ITPRIPL1: variants seen among roughly 807,000 people sequenced by gnomAD.
ITPRIPL1 encodes the protein ITPRIP like 1.
ITPRIPL1 carries 28 observed loss-of-function variants against 40.0 expected under a neutral mutation model. That is an observed-to-expected ratio of 0.70 (90% CI 0.52 to 0.96). ITPRIPL1 has a LOEUF of 0.96. Ranked by LOEUF, ITPRIPL1 falls within the 40% of genes least tolerant of loss-of-function variation. The probability of loss-of-function intolerance (pLI) is 0.00; values close to 1 mark genes in which losing one functional copy is unlikely to be tolerated. For synonymous variants in ITPRIPL1, 251 were observed against 275.7 expected, an observed-to-expected ratio of 0.91 and a Z score of 0.89; for missense variants, 638 against 698.0, an observed-to-expected ratio of 0.91 and a Z score of 0.97.
At position 96,327,227 on chromosome 2, in the gene ITPRIPL1, A is replaced by C. The variant is rs1573048324; in HGVS notation, c.596A>C (p.Glu199Ala). 3 of 1,614,086 alleles carry C rather than the reference A, an allele frequency of 1.9e-6. No individual in the cohort carries two copies. The highest frequency in any genetic ancestry group is 2.5e-6 in the Non-Finnish European group (3 of 1,180,018). The stretch of plus-strand genomic sequence containing the variant: ...GAGAGTTTTGTGGATGATCTCATTG[A>C]GGCCTGTCGGGTGCTCAGCCGCCAA... ...FVESFVDDLI[E>A]ACRVLSRQEA... The change falls in exon 3 of 3, where the codon GAG (glutamate) becomes GCG (alanine). Residue 199 changes from glutamate (E) to alanine (A), a missense_variant. Coordinates refer to ENST00000439118, the MANE Select transcript of ITPRIPL1 (RefSeq NM_001008949.3).
intron 1 of ITPRIPL1, 61 bp from the exon 2 acceptor site, chr2:96,325,686 G>A (rs972719238): frequency 2.8e-6 from 2 of 720,300 alleles, no homozygotes; most frequent in Admixed American, 4.4e-5. Flanking sequence ...AGTTATGAAT[G>A]GGGGGAGGGT....
In ITPRIPL1 at chr2:96,327,908, T is replaced by C; in HGVS notation, c.1277T>C (p.Ile426Thr). 1 of 1,613,922 alleles carries C rather than the reference T, an allele frequency of 6.2e-7. No individual in the cohort carries two copies. Among genetic ancestry groups the C allele is most frequent in the Non-Finnish European group, 8.5e-7 (1 of 1,179,974 alleles). The change falls in exon 3 of 3, where the codon ATT (isoleucine) becomes ACT (threonine). Residue 426 changes from isoleucine to threonine, a missense_variant. Transcript: ENST00000439118. ...TGTCACCTCAAGTGCCTCCAGATCA[T>C]TTTAAGTCTCCGGCAGCATCAGAGC... is the stretch of plus-strand genomic sequence containing the variant. ...NTCHLKCLQI[I>T]LSLRQHQSLP...
chr2:96,325,407 C>G lies in ITPRIPL1; in HGVS notation c.-252C>G, dbSNP rs1407129187. On this transcript the variant is annotated 5_prime_UTR_variant, in exon 1 of 3. Coordinates refer to ENST00000439118, the MANE Select transcript of ITPRIPL1 (RefSeq NM_001008949.3). Reference sequence around the variant, plus strand: ...CACCGCGCTCAGCCAGACGTTCAGACGCTCGGACAAGCATGGTCTATAACC... The same window carrying G: ...CACCGCGCTCAGCCAGACGTTCAGAGGCTCGGACAAGCATGGTCTATAACC... The G allele has an allele frequency of 6.0e-6, 1 of 166,534 alleles. No individual in the cohort carries two copies. Among genetic ancestry groups the G allele is most frequent in the Non-Finnish European group, 1.3e-5 (1 of 76,962 alleles). 10.3% of individuals were successfully genotyped at this position (166,534 alleles called of 1,614,324 possible).
chr2:96,326,845 G>C lies in ITPRIPL1; in HGVS notation c.214G>C (p.Ala72Pro). Residue 72 changes from alanine (A) to proline (P), a missense_variant, in exon 3 of 3, where the codon GCA becomes CCA. Ala to Pro is a conservative substitution (Grantham distance 27). Transcript: ENST00000439118. Reference sequence around the variant, plus strand: ...GCGAGCCGCTGAGCAGAGGCAGAAGGCAGAGAACTTCTGGACAGGAGACAC... The same window carrying C: ...GCGAGCCGCTGAGCAGAGGCAGAAGCCAGAGAACTTCTGGACAGGAGACAC... ...RKRAAEQRQK[A>P]ENFWTGDTSS... 6.2e-6 allele frequency: 10 copies of C among 1,614,222 alleles called. No individual in the cohort carries two copies. Among genetic ancestry groups the C allele is most frequent in the Non-Finnish European group, 8.5e-6 (10 of 1,180,028 alleles).
chr2:96,326,077 T>C (rs2104386160), intron 2 of ITPRIPL1: 1 of 1,228,504 alleles, frequency 8.1e-7, no homozygotes, highest in East Asian at 2.6e-5. Context: ...GGCGGCACTG[T>C]GCCTCTCTTG....
chr2:96,328,483 C>T, downstream of ITPRIPL1: 1 of 588,638 alleles, frequency 1.7e-6, no homozygotes, highest in Non-Finnish European at 2.9e-6. Context: ...CCTGCAGGGC[C>T]TAGTCAAGGA....
chr2:96,329,457 A>T (rs1212987152), downstream of ITPRIPL1: 1 of 151,930 alleles, frequency 6.6e-6, no homozygotes, highest in Admixed American at 6.6e-5. Flanking sequence ...TCTGAGATGA[A>T]TAATTACTTT....
downstream of ITPRIPL1, chr2:96,328,539 A>C (rs1573050485): frequency 4.4e-6 from 2 of 451,852 alleles, no homozygotes; most frequent in East Asian, 7.6e-5. Flanking sequence ...CATGACCCAA[A>C]GAAGGTCCAG....
Position 96,328,234 on chromosome 2 carries a change from G to A in ITPRIPL1, c.1603G>A (p.Glu535Lys), listed in dbSNP as rs774073489. ...NPKAHSQAVE[E>K]FQNLLTQVKT... ...CAAGGCACATTCACAGGCAGTGGAAGAGTTCCAAAACCTTCTGACCCAGGT... is the reference window on the plus strand; with the variant it reads ...CAAGGCACATTCACAGGCAGTGGAAAAGTTCCAAAACCTTCTGACCCAGGT... Residue 535 changes from glutamate to lysine, a missense_variant, in exon 3 of 3, where the codon GAG becomes AAG. Glu to Lys is a moderately conservative substitution (Grantham distance 56). Coordinates refer to ENST00000439118, the MANE Select transcript of ITPRIPL1 (RefSeq NM_001008949.3). 1 of 1,613,980 alleles carries A rather than the reference G, an allele frequency of 6.2e-7. No homozygotes were observed. The highest frequency in any genetic ancestry group is 1.3e-5 in the African/African-American group (1 of 74,882).
chr2:96,328,522 C>G (rs2064138811), downstream of ITPRIPL1: 4 of 490,496 alleles, frequency 8.2e-6, no homozygotes, highest in East Asian at 1.4e-4. Context: ...CTTCTGCTAA[C>G]TTTCATCATG....
downstream of ITPRIPL1, chr2:96,329,899 T>G (rs1334661840): frequency 3.3e-5 from 5 of 152,114 alleles, no homozygotes; most frequent in South Asian, 2.1e-4. Context: ...GATCAGATGC[T>G]GGCCCTTATA....
Position 96,327,045 on chromosome 2 carries a change from T to G in ITPRIPL1, c.414T>G (p.Asp138Glu), listed in dbSNP as rs763188143. Residue 138 changes from aspartate (D) to glutamate (E), a missense_variant, in exon 3 of 3, where the codon GAT (aspartate) becomes GAG (glutamate). Asp to Glu is a conservative substitution (Grantham distance 45). Transcript: ENST00000439118. ...RQNMQHEPAFDSSSEEEEEEV... is the reference protein window; with the variant it reads ...RQNMQHEPAFESSSEEEEEEV... ...ACATGCAGCATGAACCGGCCTTTGA[T>G]TCCAGCAGTGAGGAGGAGGAGGAGG... 1.3e-5 allele frequency: 21 copies of G among 1,614,098 alleles called. No homozygotes were observed. The highest frequency in any genetic ancestry group is 1.8e-5 in the Non-Finnish European group (21 of 1,180,044).
At position 96,327,908 on chromosome 2, in the gene ITPRIPL1, T is replaced by G; in HGVS notation, c.1277T>G (p.Ile426Ser). The stretch of plus-strand genomic sequence containing the variant: ...TGTCACCTCAAGTGCCTCCAGATCA[T>G]TTTAAGTCTCCGGCAGCATCAGAGC... ...NTCHLKCLQIILSLRQHQSLP... is the reference protein window; with the variant it reads ...NTCHLKCLQISLSLRQHQSLP... Residue 426 changes from isoleucine (I) to serine (S), a missense_variant, in exon 3 of 3, where the codon ATT (isoleucine) becomes AGT (serine). Physicochemically the swap from Ile to Ser is moderately radical, Grantham distance 142. Transcript: ENST00000439118. 6.2e-7 allele frequency: 1 copy of G among 1,613,922 alleles called. No individual in the cohort carries two copies. The highest frequency in any genetic ancestry group is 8.5e-7 in the Non-Finnish European group (1 of 1,179,974).
intron 2 of ITPRIPL1, chr2:96,326,296 A>T: frequency 6.9e-7 from 1 of 1,453,386 alleles, no homozygotes; most frequent in South Asian, 1.2e-5. Flanking sequence ...CCCATGGTTG[A>T]CTGAGGAGTC....
At chr2:96,326,340 C>T (rs2064106729) in intron 2 of ITPRIPL1, 2 of 1,484,794 alleles carry the variant, frequency 1.3e-6, no homozygotes, top group Non-Finnish European at 9.0e-7. Flanking sequence ...GGTCCCCCTC[C>T]CCATCCTACA....
chr2:96,326,208 G>A, intron 2 of ITPRIPL1: 1 of 1,448,742 alleles, frequency 6.9e-7, no homozygotes. Flanking sequence ...CGGGGCAGAG[G>A]AAAGGTGTCA....
Position 96,328,145 on chromosome 2 carries a change from C to G in ITPRIPL1, c.1514C>G (p.Pro505Arg), listed in dbSNP as rs767367327. ...IGNNFLPLTI[P>R]IPKTFRNAEP... ...AACAATTTTCTGCCCCTGACCATCC[C>G]AATCCCTAAGACATTTAGGAATGCT... The change falls in exon 3 of 3, where the codon CCA (proline) becomes CGA (arginine). Residue 505 changes from proline to arginine, a missense_variant. Physicochemically the swap from Pro to Arg is moderately radical, Grantham distance 103. Coordinates refer to ENST00000439118, the MANE Select transcript of ITPRIPL1 (RefSeq NM_001008949.3). 1.9e-6 allele frequency: 3 copies of G among 1,614,056 alleles called. No homozygotes were observed. The highest frequency in any genetic ancestry group is 4.5e-5 in the East Asian group (2 of 44,876).
Position 96,325,745 on chromosome 2 carries a change from A to G in ITPRIPL1, c.-93-2A>G, listed in dbSNP as rs2064099950. ...CCCCAGGTACCTTGTACATTTTAACAGGGCTCCTAGAGAGGGCGGGGAGAC... is the reference window on the plus strand; with the variant it reads ...CCCCAGGTACCTTGTACATTTTAACGGGGCTCCTAGAGAGGGCGGGGAGAC... On this transcript the variant is annotated splice_acceptor_variant, in intron 1 of 2. Transcript: ENST00000439118. LOFTEE classifies it low-confidence loss of function (5UTR_SPLICE). The G allele has an allele frequency of 7.7e-7, 1 of 1,300,470 alleles. No homozygotes were observed. The highest frequency in any genetic ancestry group is 1.1e-6 in the Non-Finnish European group (1 of 895,100). The allele number at this position is 1,300,470 out of a possible 1,614,324, so 80.6% of individuals were successfully genotyped here.
chr2:96,325,780 C>T lies in ITPRIPL1; in HGVS notation c.-60C>T, dbSNP rs1158876652. 1 of 1,595,594 alleles carries T rather than the reference C, an allele frequency of 6.3e-7. No homozygotes were observed. The highest frequency in any genetic ancestry group is 2.2e-5 in the East Asian group (1 of 44,786). On this transcript the variant is annotated 5_prime_UTR_variant, in exon 2 of 3. Transcript: ENST00000439118. ...GAGAGGGCGGGGAGACGAAGCAAGG[C>T]CAAGTTCCAAAGGGAGGATAGGCCC...
Sources: allele counts gnomAD v4.1 joint callset, GRCh38; gene constraint gnomAD v4.1.1; transcripts MANE v1.5; gene names NCBI Gene and HGNC (gene_info 2026-07-23, HGNC 2026-07-21).